Variants in MYO3B observed in about 807,000 individuals in gnomAD.
MYO3B encodes the protein myosin-IIIb.
Under a neutral mutation model 174.6 loss-of-function variants are expected in MYO3B, and 156 were observed. The observed-to-expected ratio is 0.89, with a 90% CI of 0.78 to 1.02. The LOEUF is 1.02. Ranked by LOEUF, MYO3B falls within the 50% of genes least tolerant of loss-of-function variation. The probability of loss-of-function intolerance (pLI) is 0.00; values close to 1 mark genes in which losing one functional copy is unlikely to be tolerated. For synonymous variants in MYO3B, 563 were observed against 569.1 expected, an observed-to-expected ratio of 0.99 and a Z score of 0.15; for missense variants, 1,632 against 1,639.4, an observed-to-expected ratio of 1.00 and a Z score of 0.08.
chr2:170,517,450 GT>G (rs113958967), intron 29 of MYO3B, among the ~76,000 whole-genome samples: 14 of 149,626 alleles, frequency 9.4e-5, no homozygotes, highest in Admixed American at 2.0e-4. Context: ...AGATTTTACA[GT>G]TTTTTTTTTC....
At chr2:170,256,595 T>G (rs1160410090) in intron 7 of MYO3B, among the ~76,000 whole-genome samples, 1 of 151,978 alleles carries the variant, frequency 6.6e-6, no homozygotes, top group African/African-American at 2.4e-5. Flanking sequence ...ATGAAGGAAA[T>G]TGATTTCCAC....
intron 3 of MYO3B, among the ~76,000 whole-genome samples, chr2:170,204,028 T>C (rs1215151411): frequency 6.6e-6 from 1 of 151,912 alleles, no homozygotes; most frequent in African/African-American, 2.4e-5. Flanking sequence ...AGATGGGAGG[T>C]CACTCTCAGG....
At position 170,249,161 on chromosome 2, in the gene MYO3B, C is replaced by G. The variant is rs138357418; in HGVS notation, c.749+13025C>G. ...TTCCACTCAGAGGAAGGGAGGTAGC[C>G]CCTATCCTGAGCTCTGAGCCATTCT... On this transcript the variant is annotated intron_variant, in intron 7 of 34. Transcript: ENST00000408978. 8.1e-4 allele frequency among the ~76,000 whole-genome samples: 124 copies of G among 152,282 alleles called. 1 individual carries two copies. Among genetic ancestry groups the G allele is most frequent in the Non-Finnish European group, 9.8e-4 (67 of 68,026 alleles).
rs1688215412 is a variant in MYO3B at position 170,514,973 on chromosome 2, G to GA, written c.3424dup (p.Arg1142LysfsTer14). On this transcript the variant is annotated frameshift_variant, in exon 29 of 35. Transcript: ENST00000408978. LOFTEE classifies it high-confidence loss of function. ...CACATTCCCCCGTCGCAGCAGGTAC[G>GA]AGGGGAAGTGCCGAGGTTCAAGACT... 6.2e-7 allele frequency: 1 copy of GA among 1,613,958 alleles called. No homozygotes were observed. Among genetic ancestry groups the GA allele is most frequent in the Admixed American group, 1.7e-5 (1 of 60,000 alleles).
At chr2:170,417,040 C>G (rs10207732) in intron 22 of MYO3B, among the ~76,000 whole-genome samples, 141,838 of 152,060 alleles carry the variant, frequency 0.93, 66,897 homozygotes, top group East Asian at 1. Flanking sequence ...CGTTAGCCAG[C>G]ATCTCAATCT....
rs61527598 is a variant in MYO3B, at chr2:170,483,375, CTTTTTTTTTTTTTTTT to C, written c.3015-15203_3015-15188del. Among the ~76,000 whole-genome samples, 10 of 62,098 alleles carry C rather than the reference CTTTTTTTTTTTTTTTT, an allele frequency of 1.6e-4. 1 individual carries two copies. The highest frequency in any genetic ancestry group is 2.1e-4 in the Admixed American group (1 of 4,758). 40.7% of individuals were successfully genotyped at this position (62,098 alleles called of 152,430 possible). A position where few individuals can be genotyped will look rare whatever the true frequency, so the allele number is the denominator to read the frequency against. ...AATTAAAACTCCTTGCTTGGGGATT[CTTTTTTTTTTTTTTTT>C]TTTTTTTTTTTTTGAGACGGAGTCT... On this transcript the variant is annotated intron_variant, in intron 25 of 34. Coordinates refer to ENST00000408978, the MANE Select transcript of MYO3B (RefSeq NM_138995.5).
chr2:170,316,094 T>C (rs12613772), intron 7 of MYO3B, among the ~76,000 whole-genome samples: 75,527 of 152,104 alleles, frequency 0.5, 19,582 homozygotes, highest in Middle Eastern at 0.67. Flanking sequence ...TTAGATGAAA[T>C]AATTGGCCTA....
At chr2:170,546,896 G>C (rs1197746005) in intron 32 of MYO3B, among the ~76,000 whole-genome samples, 1 of 152,128 alleles carries the variant, frequency 6.6e-6, no homozygotes, top group African/African-American at 2.4e-5. Flanking sequence ...ATTCTATGAA[G>C]GGGTCTGGTG....
intron 32 of MYO3B, among the ~76,000 whole-genome samples, chr2:170,565,549 C>T (rs1692016503): frequency 6.6e-6 from 1 of 152,190 alleles, no homozygotes; most frequent in Non-Finnish European, 1.5e-5. Flanking sequence ...TGGCATCTTG[C>T]ATCTTGCATT....
intron 32 of MYO3B, among the ~76,000 whole-genome samples, chr2:170,577,976 ATG>A (rs1692889472): frequency 6.6e-6 from 1 of 152,192 alleles, no homozygotes; most frequent in African/African-American, 2.4e-5. Context: ...TGTGTACTGT[ATG>A]TGTGTGTGCA....
intron 22 of MYO3B, among the ~76,000 whole-genome samples, chr2:170,440,296 A>T (rs1470173755): frequency 6.6e-6 from 1 of 152,008 alleles, no homozygotes; most frequent in Non-Finnish European, 1.5e-5. Context: ...GAATTTTAGG[A>T]TATTTTTTCT....
chr2:170,299,381 T>C (rs2093650204), intron 7 of MYO3B, among the ~76,000 whole-genome samples: 1 of 152,216 alleles, frequency 6.6e-6, no homozygotes, highest in South Asian at 2.1e-4. Context: ...CACTGGCTTG[T>C]CTGATATCAC....
In MYO3B at chr2:170,335,462, T is replaced by C; in HGVS notation, c.815+12T>C. On this transcript the variant is annotated intron_variant, in intron 8 of 34. Transcript: ENST00000408978. ...CACTTTATTTCACAGTGAGTATTTC[T>C]TCCACTAAAAATTGCCCATCTAGCA... 6.2e-7 allele frequency: 1 copy of C among 1,607,918 alleles called. No individual in the cohort carries two copies. The highest frequency in any genetic ancestry group is 1.3e-5 in the African/African-American group (1 of 74,920).
intron 32 of MYO3B, among the ~76,000 whole-genome samples, chr2:170,647,752 A>C (rs1698489530): frequency 6.6e-6 from 1 of 152,218 alleles, no homozygotes; most frequent in African/African-American, 2.4e-5. Context: ...TATAAGAATC[A>C]GGAAAAAAAT....
intron 32 of MYO3B, among the ~76,000 whole-genome samples, chr2:170,546,965 G>C (rs1690535149): frequency 6.6e-6 from 1 of 152,110 alleles, no homozygotes; most frequent in African/African-American, 2.4e-5. Flanking sequence ...GCTCAGCTTA[G>C]AGCAGCCACT....
intron 18 of MYO3B, among the ~76,000 whole-genome samples, chr2:170,402,436 C>G (rs2094483477): frequency 6.6e-6 from 1 of 151,986 alleles, no homozygotes; most frequent in Non-Finnish European, 1.5e-5. Flanking sequence ...TTGCTCTTTC[C>G]TAGGCGTAGT....
intron 25 of MYO3B, among the ~76,000 whole-genome samples, chr2:170,495,170 AT>A (rs1214244043): frequency 3.9e-5 from 6 of 152,306 alleles, no homozygotes; most frequent in Middle Eastern, 3.4e-3. Flanking sequence ...TTAACTCATC[AT>A]GCTGCTTCAG....
intron 32 of MYO3B, among the ~76,000 whole-genome samples, chr2:170,569,203 G>T (rs1236588929): frequency 6.6e-6 from 1 of 152,084 alleles, no homozygotes; most frequent in South Asian, 2.1e-4. Flanking sequence ...TGCCTACTTT[G>T]TTTCCTCCCC....
At chr2:170,540,227 A>T (rs1003178555) in intron 30 of MYO3B, among the ~76,000 whole-genome samples, 11 of 151,934 alleles carry the variant, frequency 7.2e-5, no homozygotes, top group African/African-American at 2.7e-4. Context: ...CGGAGTCTGC[A>T]GCGGGAGGAT....
Sources: allele counts gnomAD v4.1 joint callset (sites outside exome capture counted in the v4.1 genomes callset), GRCh38; gene constraint gnomAD v4.1.1; transcripts MANE v1.5; gene names NCBI Gene and HGNC (gene_info 2026-07-23, HGNC 2026-07-21).